The following SMPD4 variants were observed in gnomAD, a reference collection of about 807,000 sequenced individuals.
SMPD4 encodes neutral sphingomyelinase 3.
SMPD4 carries 58 observed loss-of-function variants against 97.8 expected under a neutral mutation model. The observed-to-expected ratio is 0.59, with a 90% CI of 0.48 to 0.74. SMPD4 has a LOEUF of 0.74. Among genes scored for constraint, SMPD4 ranks in the 30% least tolerant of loss-of-function variants. The pLI, the probability that SMPD4 is intolerant of heterozygous loss-of-function variation, is 0.00. For synonymous variants in SMPD4, 388 were observed against 450.0 expected (o/e 0.86, Z 1.74); for missense variants, 853 against 1,080.5 (o/e 0.79, Z 2.95).
Position 130,155,253 on chromosome 2 carries a change from G to C in SMPD4, c.1296C>G (p.Pro432=). 1 of 1,614,064 alleles carries C rather than the reference G, an allele frequency of 6.2e-7. No homozygotes were observed. The highest frequency in any genetic ancestry group is 8.5e-7 in the Non-Finnish European group (1 of 1,179,994). ...ACATCAGCAGGTTCTCCTGGACAAAGGGTGCCCTGGGGACCGAGGTGGCAG... is the reference window on the plus strand; with the variant it reads ...ACATCAGCAGGTTCTCCTGGACAAACGGTGCCCTGGGGACCGAGGTGGCAG... The part of the protein sequence containing the change: ...QPRCVSEKWA[P]FVQENLLMYT... Residue 432 remains proline (P), a synonymous_variant, in exon 15 of 20, where the codon CCC becomes CCG. Transcript: ENST00000680298.
intron 1 of SMPD4, 45 bp downstream of exon 1, chr2:130,181,485 C>T (rs562293374): frequency 1.3e-6 from 2 of 1,565,966 alleles, no homozygotes; most frequent in Non-Finnish European, 1.7e-6. Context: ...CGGGGAAGCC[C>T]CCAGGGCGCC....
chr2:130,173,608 G>A lies in SMPD4; in HGVS notation c.175C>T (p.Leu59=). The change falls in exon 4 of 20, where the codon CTA becomes TTA. Residue 59 remains leucine, a synonymous_variant. Transcript: ENST00000680298. ...PWLVESIFGS[L]DGVLVGWNLR... is the part of the protein sequence containing the mutation. The stretch of plus-strand genomic sequence containing the variant: ...TTCCAGCCAACGAGGACACCATCTA[G>A]GCTGCCAAAAATGCTTTCTACCAGC... 1.2e-6 allele frequency: 2 copies of A among 1,613,878 alleles called. No individual in the cohort carries two copies. Among genetic ancestry groups the A allele is most frequent in the Non-Finnish European group, 1.7e-6 (2 of 1,179,860 alleles).
intron 11 of SMPD4, 157 bp from the exon 12 acceptor site, chr2:130,157,553 A>T: frequency 7.1e-7 from 1 of 1,415,158 alleles, no homozygotes; most frequent in Non-Finnish European, 9.5e-7. Flanking sequence ...ATGGGGCACC[A>T]CTGTGCCTGG....
At position 130,152,809 on chromosome 2, in the gene SMPD4, G is replaced by T. The variant is rs752331203; in HGVS notation, c.2230C>A (p.Pro744Thr). ...AGCAGGTGCCTGCTGGCCAGCCCAG[G>T]TTCTGTGAGGTGGTAGCGACAGAAG... is the stretch of plus-strand genomic sequence containing the variant. ...GSFCRYHLTE[P>T]GLASRHLLSP... Residue 744 changes from proline to threonine, a missense_variant, in exon 20 of 20, where the codon CCT becomes ACT. Physicochemically the swap from Pro to Thr is conservative, Grantham distance 38. Transcript: ENST00000680298. The T allele has an allele frequency of 3.1e-6, 5 of 1,608,492 alleles. No individual in the cohort carries two copies. The highest frequency in any genetic ancestry group is 4.2e-6 in the Non-Finnish European group (5 of 1,176,964).
chr2:130,167,132 T>G (rs574022029), intron 9 of SMPD4, among the ~76,000 whole-genome samples: 1 of 152,052 alleles, frequency 6.6e-6, no homozygotes, highest in African/African-American at 2.4e-5. Context: ...TTTCTTTTTT[T>G]TTTTTTGAGA....
chr2:130,156,817 C>T, intron 12 of SMPD4, 142 bp from the exon 13 acceptor site: 3 of 1,545,826 alleles, frequency 1.9e-6, no homozygotes, highest in Non-Finnish European at 2.6e-6. Context: ...CCCCATTCTT[C>T]AGAGGAAGAA....
chr2:130,155,650 G>A (rs1411889742), intron 14 of SMPD4, among the ~76,000 whole-genome samples: 3 of 151,950 alleles, frequency 2.0e-5, no homozygotes, highest in South Asian at 2.1e-4. Context: ...CTGGGGGTCC[G>A]CTGTGAGGAT....
chr2:130,181,301 C>A lies in SMPD4; in HGVS notation c.-46+229G>T, dbSNP rs1281180645. On this transcript the variant is annotated intron_variant, in intron 1 of 19. Transcript: ENST00000680298. ...AACCTTCAGCGAACACCTACCGGAC[C>A]GGGACAGAGTGTACGAGCCGCGCGG... 2.1e-6 allele frequency: 3 copies of A among 1,411,796 alleles called. No individual in the cohort carries two copies. In the East Asian group the frequency reaches 7.8e-5, roughly 37 times the overall value. 87.5% of individuals were successfully genotyped at this position (1,411,796 alleles called of 1,614,324 possible). A position where few individuals can be genotyped will look rare whatever the true frequency, so the allele number is the denominator to read the frequency against.
At position 130,152,436 on chromosome 2, in the gene SMPD4, G is replaced by A. The variant is rs1249991174; in HGVS notation, c.*119C>T. On this transcript the variant is annotated 3_prime_UTR_variant, in exon 20 of 20. Transcript: ENST00000680298. ...ATGCCTCTGCGGCTGCAGGAACCCC[G>A]CTCCAGAAGCCCGAGGATGACCGTG... 1.2e-5 allele frequency: 14 copies of A among 1,190,780 alleles called. No individual in the cohort carries two copies. Among genetic ancestry groups the A allele is most frequent in the East Asian group, 7.8e-5 (3 of 38,610 alleles). The allele number at this position is 1,190,780 out of a possible 1,614,324, so 73.8% of individuals were successfully genotyped here.
intron 10 of SMPD4, among the ~76,000 whole-genome samples, chr2:130,163,955 A>G (rs1456201288): frequency 6.6e-6 from 1 of 152,132 alleles, no homozygotes; most frequent in Non-Finnish European, 1.5e-5. Flanking sequence ...TGAGCAGGCA[A>G]AGGAGGCTCC....
chr2:130,181,695 A>AGGCC, upstream of SMPD4: 1 of 1,549,280 alleles, frequency 6.5e-7, no homozygotes, highest in Non-Finnish European at 8.7e-7. Flanking sequence ...CGCAAAGCGA[A>AGGCC]GGCCGGCCGG....
upstream of SMPD4, chr2:130,181,751 T>G (rs776697493): frequency 2.6e-6 from 4 of 1,548,054 alleles, no homozygotes; most frequent in Non-Finnish European, 2.6e-6. Context: ...GAGGGAGTGG[T>G]CCTTAGCTGA....
chr2:130,157,499 G>GC, intron 11 of SMPD4, 103 bp from the exon 12 acceptor site: 1 of 1,541,258 alleles, frequency 6.5e-7, no homozygotes, highest in Non-Finnish European at 8.8e-7. Flanking sequence ...TTGCTCTGCT[G>GC]CCCCCACGGG....
In SMPD4 at chr2:130,170,458, C is replaced by CAAAAAAAAAAAAAAAAA. The variant is rs556058599; in HGVS notation, c.659+1890_659+1891insTTTTTTTTTTTTTTTTT. Reference sequence around the variant, plus strand: ...CCTGGGCAACAGAGTAAGACCCTGTCAAAAAAAAAAAAAAAAGCACACAAT... The same window carrying CAAAAAAAAAAAAAAAAA: ...CCTGGGCAACAGAGTAAGACCCTGTCAAAAAAAAAAAAAAAAAAAAAAAAAAAAAAAAAGCACACAAT... On this transcript the variant is annotated intron_variant, in intron 8 of 19. Transcript: ENST00000680298. 5.5e-3 allele frequency among the ~76,000 whole-genome samples: 353 copies of CAAAAAAAAAAAAAAAAA among 64,552 alleles called. 37 individuals carry two copies. Among genetic ancestry groups the CAAAAAAAAAAAAAAAAA allele is most frequent in the Middle Eastern group, 0.011 (1 of 94 alleles). The allele number at this position is 64,552 out of a possible 152,430, so 42.3% of individuals were successfully genotyped here.
intron 1 of SMPD4, among the ~76,000 whole-genome samples, chr2:130,180,983 GTTTTTTGTTT>G (rs1242385194): frequency 6.6e-6 from 1 of 152,134 alleles, no homozygotes; most frequent in African/African-American, 2.4e-5. Flanking sequence ...GACCCCGTTT[GTTTTTTGTTT>G]TGTTTTGTTT....
At chr2:130,163,367 G>A (rs1023293446) in intron 10 of SMPD4, among the ~76,000 whole-genome samples, 14 of 152,220 alleles carry the variant, frequency 9.2e-5, no homozygotes, top group Non-Finnish European at 2.1e-4. Flanking sequence ...TGAGGATTTG[G>A]GGGACCCTAT....
At chr2:130,164,949 A>T (rs1304804553) in intron 9 of SMPD4, among the ~76,000 whole-genome samples, 1 of 151,630 alleles carries the variant, frequency 6.6e-6, no homozygotes, top group Admixed American at 6.6e-5. Flanking sequence ...TCTACAAAAA[A>T]TACAAAAATT....
At position 130,154,350 on chromosome 2, in the gene SMPD4, T is replaced by C. The variant is rs551601078; in HGVS notation, c.1586A>G (p.Lys529Arg). 1 of 1,612,142 alleles carries C rather than the reference T, an allele frequency of 6.2e-7. No homozygotes were observed. The highest frequency in any genetic ancestry group is 8.5e-7 in the Non-Finnish European group (1 of 1,179,330). ...GCCCTCCAGGCTGTAGACGTGGCTC[T>C]TCACCTTGAAGGAGGCATCAGTGAC... ...PAVTDASFKVKSHVYSLEGQD... is the reference protein window; with the variant it reads ...PAVTDASFKVRSHVYSLEGQD... Residue 529 changes from lysine to arginine, a missense_variant, in exon 16 of 20, where the codon AAG becomes AGG. By Grantham distance (26) the Lys-to-Arg change is conservative (BLOSUM62 2). Coordinates refer to ENST00000680298, the MANE Select transcript of SMPD4 (RefSeq NM_017951.5).
chr2:130,164,241 C>CG, intron 10 of SMPD4, 133 bp downstream of exon 10: 1 of 769,116 alleles, frequency 1.3e-6, no homozygotes, highest in Non-Finnish European at 2.3e-6. Flanking sequence ...TATTTGGCTT[C>CG]TGAGTGACAG....
Sources: gnomAD v4.1 joint callset for allele counts (sites outside exome capture counted in the v4.1 genomes callset) on GRCh38, gnomAD v4.1.1 for gene constraint, MANE v1.5 for transcripts, NCBI Gene and HGNC (gene_info 2026-07-23, HGNC 2026-07-21) for gene names.